EPHA7: variants seen among roughly 807,000 people sequenced by gnomAD.
EPHA7 encodes ephrin type-A receptor 7.
In EPHA7, 25 loss-of-function variants were observed where a neutral mutation model predicts 112.6. That is an observed-to-expected ratio of 0.22 (90% CI 0.16 to 0.31). EPHA7 has a LOEUF of 0.31. Ranked by LOEUF, EPHA7 falls within the 10% of genes least tolerant of loss-of-function variation. The probability of loss-of-function intolerance (pLI) is 1.00; values close to 1 mark genes in which losing one functional copy is unlikely to be tolerated. For synonymous variants in EPHA7, 437 were observed against 406.5 expected (o/e 1.07, Z -0.90); for missense variants, 962 against 1,212.6 (o/e 0.79, Z 3.07).
Position 93,263,907 on chromosome 6 carries a change from C to A in EPHA7, c.1751G>T (p.Gly584Val), listed in dbSNP as rs755890860. ...FGFIIGRRHC[G>V]YSKADQEGDE... ...GCCTTCTTGGTCAGCTTTGCTATAA[C>A]CACAGTGCCTTGAAGAAAGCAAATT... Residue 584 changes from glycine to valine, a missense_variant, in exon 9 of 17, where the codon GGT becomes GTT. By Grantham distance (109) the Gly-to-Val change is moderately radical. Around this residue, in one of 3 missense-constraint regions of EPHA7, gnomAD observed 746 missense variants for 889.2 expected, o/e 0.84. Transcript: ENST00000369303. 6.2e-7 allele frequency: 1 copy of A among 1,609,144 alleles called. No individual in the cohort carries two copies. Among genetic ancestry groups the A allele is most frequent in the Non-Finnish European group, 8.5e-7 (1 of 1,176,942 alleles).
At chr6:93,260,551 A>G in intron 9 of EPHA7, 1 of 960,130 alleles carries the variant, frequency 1.0e-6, no homozygotes, top group Non-Finnish European at 1.2e-6. Flanking sequence ...TTGGAGAACA[A>G]TATATTTCTT....
chr6:93,366,365 T>G (rs1776509814), intron 3 of EPHA7, among the ~76,000 whole-genome samples: 1 of 152,222 alleles, frequency 6.6e-6, no homozygotes, highest in African/African-American at 2.4e-5. Context: ...TTGTTAACTC[T>G]AACGTGCTAC....
rs1775967993 is a variant in EPHA7, at chr6:93,356,775, A to G, written c.1266T>C (p.Ser422=). The change falls in exon 5 of 17, where the codon TCT becomes TCC. Residue 422 remains serine (S), a synonymous_variant. Coordinates refer to ENST00000369303, the MANE Select transcript of EPHA7 (RefSeq NM_004440.4). ...TFEVEAVNGV[S]DLSRSQRLFA... is the part of the protein sequence containing the mutation. ...AGAGCCTCTGGGATCGGCTTAAGTC[A>G]GAAACTCCATTTACAGCTTCAACTT... 1.9e-6 allele frequency: 3 copies of G among 1,614,028 alleles called. No homozygotes were observed. The highest frequency in any genetic ancestry group is 1.3e-5 in the African/African-American group (1 of 74,942).
At chr6:93,358,911 T>G (rs1379643777) in intron 3 of EPHA7, among the ~76,000 whole-genome samples, 3 of 152,114 alleles carry the variant, frequency 2.0e-5, no homozygotes, top group Non-Finnish European at 4.4e-5. Flanking sequence ...ATGTAAAATT[T>G]TTCACCTGAA....
chr6:93,417,515 C>T (rs1454533086), intron 1 of EPHA7, among the ~76,000 whole-genome samples: 2 of 152,210 alleles, frequency 1.3e-5, no homozygotes, highest in African/African-American at 4.8e-5. Flanking sequence ...GTAGCTTGCA[C>T]CCAGAAGAGC....
chr6:93,411,037 A>G lies in EPHA7; in HGVS notation c.296T>C (p.Phe99Ser), dbSNP rs1314436572. Reference protein sequence around the residue: ...WISKGNAQRIFVELKFTLRDC... With the variant: ...WISKGNAQRISVELKFTLRDC... The stretch of plus-strand genomic sequence containing the variant: ...CCTCAGGGTGAATTTCAATTCTACA[A>G]AAATCCTTTGTGCATTGCCTTTGGA... The change falls in exon 3 of 17, where the codon TTT becomes TCT. Residue 99 changes from phenylalanine to serine, a missense_variant. Phe to Ser is a radical substitution (Grantham distance 155). Transcript: ENST00000369303. The G allele has an allele frequency of 6.2e-7, 1 of 1,614,080 alleles. No individual in the cohort carries two copies. Among genetic ancestry groups the G allele is most frequent in the Non-Finnish European group, 8.5e-7 (1 of 1,179,974 alleles).
chr6:93,314,860 T>TAAATAAAATGCA, intron 5 of EPHA7, among the ~76,000 whole-genome samples: 14 of 91,018 alleles, frequency 1.5e-4, no homozygotes, highest in African/African-American at 5.2e-4. Context: ...ATAATTTTCT[T>TAAATAAAATGCA]TTTTTTTTTT....
chr6:93,418,629 G>A (rs1439628948), intron 1 of EPHA7, among the ~76,000 whole-genome samples: 1 of 152,182 alleles, frequency 6.6e-6, no homozygotes, highest in East Asian at 1.9e-4. Context: ...CGCACGCCGC[G>A]CTTCACCTCC....
chr6:93,342,949 C>T (rs1333601523), intron 5 of EPHA7, among the ~76,000 whole-genome samples: 2 of 151,528 alleles, frequency 1.3e-5, no homozygotes, highest in Non-Finnish European at 3.0e-5. Flanking sequence ...ACAAGAAAAT[C>T]GTGTCATCCA....
chr6:93,264,320 T>G (rs1387718267), intron 8 of EPHA7, among the ~76,000 whole-genome samples: 1 of 151,434 alleles, frequency 6.6e-6, no homozygotes, highest in Non-Finnish European at 1.5e-5. Flanking sequence ...CCAGGTATAT[T>G]CTATATTTAT....
chr6:93,252,845 C>A (rs1419571972), intron 14 of EPHA7, among the ~76,000 whole-genome samples: 1 of 151,638 alleles, frequency 6.6e-6, no homozygotes, highest in East Asian at 1.9e-4. Flanking sequence ...TAGGTTAAAA[C>A]TAAACTGCAC....
chr6:93,246,374 A>G (rs1769951382), intron 15 of EPHA7, among the ~76,000 whole-genome samples: 1 of 152,062 alleles, frequency 6.6e-6, no homozygotes, highest in Non-Finnish European at 1.5e-5. Context: ...AAACTTTAAC[A>G]TCATTGAATC....
intron 3 of EPHA7, among the ~76,000 whole-genome samples, chr6:93,364,829 A>G (rs561131285): frequency 7.5e-4 from 114 of 152,080 alleles, no homozygotes; most frequent in Non-Finnish European, 1.3e-3. Flanking sequence ...CTATTTGTTA[A>G]TTTAGTATGT....
At chr6:93,318,298 T>C (rs1033484913) in intron 5 of EPHA7, among the ~76,000 whole-genome samples, 7 of 152,026 alleles carry the variant, frequency 4.6e-5, no homozygotes, top group Non-Finnish European at 1.0e-4. Flanking sequence ...CCTGCATGTC[T>C]CCATAACTTG....
chr6:93,342,435 G>A (rs1477553152), intron 5 of EPHA7, among the ~76,000 whole-genome samples: 2 of 151,820 alleles, frequency 1.3e-5, no homozygotes, highest in Non-Finnish European at 2.9e-5. Context: ...ATCACTCTAT[G>A]CTCATACTAT....
chr6:93,247,487 C>T (rs1770006334), intron 14 of EPHA7, among the ~76,000 whole-genome samples: 1 of 152,034 alleles, frequency 6.6e-6, no homozygotes, highest in Non-Finnish European at 1.5e-5. Flanking sequence ...TAATATGAAG[C>T]TTATTGTTAG....
At chr6:93,299,706 A>G (rs1182569372) in intron 5 of EPHA7, among the ~76,000 whole-genome samples, 3 of 152,208 alleles carry the variant, frequency 2.0e-5, no homozygotes, top group African/African-American at 7.2e-5. Context: ...CACAATAGCA[A>G]AGATATGGAA....
chr6:93,396,799 TA>T (rs879510561), intron 3 of EPHA7, among the ~76,000 whole-genome samples: 22 of 151,722 alleles, frequency 1.5e-4, no homozygotes, highest in Non-Finnish European at 2.7e-4. Flanking sequence ...GTATGCAACA[TA>T]AATATAAATA....
At chr6:93,338,488 C>G (rs1774983998) in intron 5 of EPHA7, among the ~76,000 whole-genome samples, 1 of 151,948 alleles carries the variant, frequency 6.6e-6, no homozygotes, top group Non-Finnish European at 1.5e-5. Flanking sequence ...AACTCTCTTT[C>G]CAAATCGGTA....
Sources: allele counts gnomAD v4.1 joint callset (sites outside exome capture counted in the v4.1 genomes callset), GRCh38; gene constraint gnomAD v4.1.1; regional missense constraint gnomAD v4.1.1; transcripts MANE v1.5; gene names NCBI Gene and HGNC (gene_info 2026-07-23, HGNC 2026-07-21).